Variants in AGBL3 observed in about 807,000 individuals in gnomAD.
AGBL3 encodes AGBL carboxypeptidase 3.
In AGBL3, 68 loss-of-function variants were observed where a neutral mutation model predicts 94.5. That is an observed-to-expected ratio of 0.72 (90% CI 0.59 to 0.88). The LOEUF (loss-of-function observed/expected upper bound fraction) is 0.88. AGBL3 is among the 40% of genes least tolerant of loss of function. AGBL3 has a pLI of 0.00. For missense variants in AGBL3, 934 were observed against 1,103.8 expected (o/e 0.85, Z 2.18); for synonymous variants, 354 against 370.7 (o/e 0.95, Z 0.52).
At chr7:135,071,886 G>T (rs1204282300) in intron 12 of AGBL3, among the ~76,000 whole-genome samples, 2 of 152,058 alleles carry the variant, frequency 1.3e-5, no homozygotes, top group African/African-American at 4.8e-5. Context: ...CAAAAGCAAT[G>T]GCAACAAAAG....
chr7:135,014,446 C>CT (rs1351423483), intron 4 of AGBL3, among the ~76,000 whole-genome samples: 1 of 151,994 alleles, frequency 6.6e-6, no homozygotes, highest in Non-Finnish European at 1.5e-5. Context: ...TATACCATAT[C>CT]TCAGTGATCA....
At chr7:135,017,262 C>G (rs1813907856) in intron 5 of AGBL3, 103 bp downstream of exon 5, 1 of 811,544 alleles carries the variant, frequency 1.2e-6, no homozygotes, top group South Asian at 1.5e-5. Context: ...TTTCAGATGA[C>G]CAGTCCCTAA....
chr7:134,997,320 G>A (rs1811133182), intron 4 of AGBL3, among the ~76,000 whole-genome samples: 1 of 152,186 alleles, frequency 6.6e-6, no homozygotes, highest in East Asian at 1.9e-4. Context: ...CCATAGACCA[G>A]TACTGGTCCA....
At chr7:135,116,614 CTCTT>C (rs1333086469) in intron 16 of AGBL3, among the ~76,000 whole-genome samples, 2 of 152,100 alleles carry the variant, frequency 1.3e-5, no homozygotes, top group African/African-American at 4.8e-5. Flanking sequence ...AGGAGAGAGA[CTCTT>C]TATAGGCCAG....
rs180737466 is a variant in AGBL3 at position 135,070,266 on chromosome 7, A to G, written c.1909-6131A>G. 2.2e-4 allele frequency among the ~76,000 whole-genome samples: 34 copies of G among 152,328 alleles called. No individual in the cohort carries two copies. The East Asian group carries it at 5.4e-3, about 24-fold the overall frequency. On this transcript the variant is annotated intron_variant, in intron 12 of 16. Coordinates refer to ENST00000436302, the MANE Select transcript of AGBL3 (RefSeq NM_178563.4). ...CCAACCAGAAAAAGTCCAGGACCAG[A>G]TGGATTCACAGCCGAATTCTACCAG...
intron 16 of AGBL3, among the ~76,000 whole-genome samples, chr7:135,132,369 G>A (rs1305153330): frequency 6.6e-6 from 1 of 152,160 alleles, no homozygotes; most frequent in Non-Finnish European, 1.5e-5. Flanking sequence ...TATTCAAAAA[G>A]TAATTGATGA....
At chr7:135,031,086 A>T (rs1176355950) in intron 5 of AGBL3, among the ~76,000 whole-genome samples, 1 of 151,780 alleles carries the variant, frequency 6.6e-6, no homozygotes, top group Admixed American at 6.6e-5. Flanking sequence ...CTTTGAATAT[A>T]TATTCAAAGT....
chr7:135,088,364 A>C (rs912353838), intron 15 of AGBL3, among the ~76,000 whole-genome samples: 6 of 152,050 alleles, frequency 3.9e-5, no homozygotes, highest in Admixed American at 2.0e-4. Context: ...GTTGTTTTGT[A>C]CATCCATTGA....
intron 5 of AGBL3, among the ~76,000 whole-genome samples, chr7:135,024,588 A>G (rs1363016692): frequency 1.3e-5 from 2 of 152,194 alleles, no homozygotes; most frequent in African/African-American, 4.8e-5. Context: ...GAAAAGTCTG[A>G]GTGTCCCTTT....
chr7:135,097,661 T>G (rs1273660204), intron 15 of AGBL3, among the ~76,000 whole-genome samples: 1 of 152,132 alleles, frequency 6.6e-6, no homozygotes, highest in Non-Finnish European at 1.5e-5. Context: ...TAATAAAAGT[T>G]TGGGGTCACT....
chr7:135,077,991 C>T (rs1820612853), intron 13 of AGBL3, among the ~76,000 whole-genome samples: 2 of 152,162 alleles, frequency 1.3e-5, no homozygotes, highest in Admixed American at 1.3e-4. Context: ...CTCTCCTGCC[C>T]ACTGATGCCT....
intron 15 of AGBL3, among the ~76,000 whole-genome samples, chr7:135,108,236 G>A (rs1347938602): frequency 6.6e-6 from 1 of 152,178 alleles, no homozygotes; most frequent in African/African-American, 2.4e-5. Context: ...ATTGATATGT[G>A]TGGATTTGAT....
At chr7:135,121,142 T>C (rs1485886992) in intron 16 of AGBL3, among the ~76,000 whole-genome samples, 2 of 151,508 alleles carry the variant, frequency 1.3e-5, no homozygotes, top group African/African-American at 4.9e-5. Flanking sequence ...GAGGTGGAGG[T>C]TGCGGTGAGC....
chr7:135,126,580 A>T (rs138684469), intron 16 of AGBL3, among the ~76,000 whole-genome samples: 111 of 152,380 alleles, frequency 7.3e-4, no homozygotes, highest in African/African-American at 2.6e-3. Flanking sequence ...CGAATAGCCA[A>T]GACAATCCTA....
chr7:135,130,091 G>A (rs1262976895), intron 16 of AGBL3, among the ~76,000 whole-genome samples: 2 of 152,138 alleles, frequency 1.3e-5, no homozygotes, highest in Non-Finnish European at 2.9e-5. Context: ...AGTTCCCTCA[G>A]TACTACTCCT....
At chr7:135,066,240 T>C (rs967985132) in intron 12 of AGBL3, among the ~76,000 whole-genome samples, 5 of 151,970 alleles carry the variant, frequency 3.3e-5, no homozygotes, top group African/African-American at 1.2e-4. Flanking sequence ...GAACAGGGGG[T>C]AATCTCCAAA....
intron 16 of AGBL3, among the ~76,000 whole-genome samples, chr7:135,123,266 G>A (rs10263789): frequency 0.49 from 73,796 of 151,990 alleles, 18,277 homozygotes; most frequent in South Asian, 0.66. Flanking sequence ...ATCAATAGCC[G>A]AATCGACCAC....
At chr7:134,992,749 A>G (rs1371126071) in intron 3 of AGBL3, among the ~76,000 whole-genome samples, 2 of 152,244 alleles carry the variant, frequency 1.3e-5, no homozygotes, top group Non-Finnish European at 2.9e-5. Context: ...CAGTTATCTG[A>G]GCTCTAGTCC....
At chr7:135,128,669 A>T in intron 16 of AGBL3, 2 of 1,103,666 alleles carry the variant, frequency 1.8e-6, no homozygotes, top group Non-Finnish European at 2.8e-6. Flanking sequence ...AAGAGACCCT[A>T]GTATACCTGA....
Sources: gnomAD v4.1 joint callset for allele counts (sites outside exome capture counted in the v4.1 genomes callset) on GRCh38, gnomAD v4.1.1 for gene constraint, MANE v1.5 for transcripts, NCBI Gene and HGNC (gene_info 2026-07-23, HGNC 2026-07-21) for gene names.